Variants in ADGRB3 observed in about 807,000 individuals in gnomAD.
ADGRB3 encodes adhesion G protein-coupled receptor B3.
In ADGRB3, 37 loss-of-function variants were observed where a neutral mutation model predicts 193.4. The ratio of observed to expected loss-of-function variants is 0.19; its 90% confidence interval spans 0.15 to 0.25. The LOEUF is 0.25. Ranked by LOEUF, ADGRB3 falls within the 10% of genes least tolerant of loss-of-function variation. ADGRB3 has a pLI of 1.00. For missense variants in ADGRB3, 1,637 were observed against 1,852.9 expected, an observed-to-expected ratio of 0.88 and a Z score of 2.14; for synonymous variants, 690 against 644.2, an observed-to-expected ratio of 1.07 and a Z score of -1.08.
chr6:68,764,755 G>A (rs1424544520), intron 3 of ADGRB3, among the ~76,000 whole-genome samples: 3 of 151,886 alleles, frequency 2.0e-5, no homozygotes, highest in South Asian at 2.1e-4. Context: ...CATCAGGATT[G>A]TGATTAGATT....
At chr6:68,709,003 C>T (rs2127314863) in intron 3 of ADGRB3, among the ~76,000 whole-genome samples, 1 of 152,238 alleles carries the variant, frequency 6.6e-6, no homozygotes, top group Non-Finnish European at 1.5e-5. Context: ...ATTTCTCATG[C>T]AGTCTTTTAG....
At chr6:69,123,733 A>G (rs1424813011) in intron 17 of ADGRB3, among the ~76,000 whole-genome samples, 1 of 152,140 alleles carries the variant, frequency 6.6e-6, no homozygotes, top group Non-Finnish European at 1.5e-5. Context: ...TGGAGAAGAG[A>G]GTTATTCAAA....
intron 3 of ADGRB3, among the ~76,000 whole-genome samples, chr6:68,891,988 T>C (rs1467418259): frequency 2.0e-5 from 3 of 152,210 alleles, no homozygotes; most frequent in Non-Finnish European, 4.4e-5. Context: ...AAATGTTCTG[T>C]CCATACTGTC....
intron 17 of ADGRB3, among the ~76,000 whole-genome samples, chr6:69,113,277 A>G (rs1773426458): frequency 1.3e-5 from 2 of 151,902 alleles, no homozygotes; most frequent in Admixed American, 1.3e-4. Context: ...TATCACACAT[A>G]TTTATATGTA....
At chr6:68,744,130 G>A (rs1485119619) in intron 3 of ADGRB3, among the ~76,000 whole-genome samples, 1 of 152,018 alleles carries the variant, frequency 6.6e-6, no homozygotes, top group African/African-American at 2.4e-5. Flanking sequence ...AGCTAAGAAT[G>A]AAGGAAAAGA....
chr6:68,903,842 T>G (rs1433598341), intron 3 of ADGRB3, among the ~76,000 whole-genome samples: 2 of 151,106 alleles, frequency 1.3e-5, no homozygotes, highest in Admixed American at 6.6e-5. Flanking sequence ...CCCTGTCTAT[T>G]AAAAAAATAG....
At chr6:69,120,146 C>A (rs1773643159) in intron 17 of ADGRB3, among the ~76,000 whole-genome samples, 1 of 152,204 alleles carries the variant, frequency 6.6e-6, no homozygotes, top group Non-Finnish European at 1.5e-5. Flanking sequence ...GAAGAAATTA[C>A]AAATGGATCA....
chr6:68,637,613 A>AAAAAG (rs547761015), intron 2 of ADGRB3, 51 bp downstream of exon 2: 14 of 152,746 alleles, frequency 9.2e-5, no homozygotes, highest in African/African-American at 2.9e-4. Context: ...GTTAAAATTA[A>AAAAAG]AAAAGAAAAG....
intron 20 of ADGRB3, among the ~76,000 whole-genome samples, chr6:69,293,002 C>G (rs926995586): frequency 4.6e-5 from 7 of 152,018 alleles, no homozygotes; most frequent in Admixed American, 4.6e-4. Flanking sequence ...GCCCCTCCCT[C>G]CACTGTCACA....
chr6:69,040,313 C>CTTTCTTTCTT (rs1770996001), intron 13 of ADGRB3, among the ~76,000 whole-genome samples: 4 of 36,778 alleles, frequency 1.1e-4, no homozygotes, highest in East Asian at 2.0e-3. Flanking sequence ...CTGTCTCTTT[C>CTTTCTTTCTT]TTTCTTTCTT....
chr6:69,134,526 T>G (rs1370014340), intron 17 of ADGRB3, among the ~76,000 whole-genome samples: 8 of 152,088 alleles, frequency 5.3e-5, no homozygotes, highest in Non-Finnish European at 1.0e-4. Flanking sequence ...CAGAAATGAT[T>G]CTTACTACCT....
rs563232079 is a variant in ADGRB3 at position 68,763,541 on chromosome 6, T to C, written c.757+124109T>C. ...ATGAAATTTTAATATACCTATGTTT[T>C]GCTCATATTAAAGGCTGGTAGAATT... On this transcript the variant is annotated intron_variant, in intron 3 of 31. Coordinates refer to ENST00000370598, the MANE Select transcript of ADGRB3 (RefSeq NM_001704.3). Among the ~76,000 whole-genome samples the C allele has an allele frequency of 2.4e-3, 366 of 152,342 alleles. 1 individual carries two copies. The highest frequency in any genetic ancestry group is 0.013 in the South Asian group (64 of 4,830).
chr6:68,905,292 C>A (rs1766511229), intron 3 of ADGRB3, among the ~76,000 whole-genome samples: 1 of 152,136 alleles, frequency 6.6e-6, no homozygotes, highest in African/African-American at 2.4e-5. Flanking sequence ...AAGTTTGCTT[C>A]GTTCGTGATA....
At chr6:68,767,889 A>T (rs1766541134) in intron 3 of ADGRB3, among the ~76,000 whole-genome samples, 1 of 152,158 alleles carries the variant, frequency 6.6e-6, no homozygotes, top group Non-Finnish European at 1.5e-5. Flanking sequence ...ATCCCTATAC[A>T]CCAATGTTAG....
chr6:68,782,328 T>G (rs1766871374), intron 3 of ADGRB3, among the ~76,000 whole-genome samples: 1 of 151,940 alleles, frequency 6.6e-6, no homozygotes, highest in South Asian at 2.1e-4. Context: ...CTGCATAGTA[T>G]TCCATGGTGT....
chr6:69,208,545 A>G (rs947114327), intron 17 of ADGRB3, among the ~76,000 whole-genome samples: 1 of 152,162 alleles, frequency 6.6e-6, no homozygotes, highest in Non-Finnish European at 1.5e-5. Flanking sequence ...TCCTTCAGGG[A>G]TGTCCTAGAA....
rs550437716 is a variant in ADGRB3, at chr6:69,075,604, G to A, written c.2437-391G>A. On this transcript the variant is annotated intron_variant, in intron 16 of 31. Coordinates refer to ENST00000370598, the MANE Select transcript of ADGRB3 (RefSeq NM_001704.3). ...GTGATTATACATGTGCATAATATAG[G>A]ATATTTCACTGTGATTTCAATATTG... Among the ~76,000 whole-genome samples, 5 of 152,170 alleles carry A rather than the reference G, an allele frequency of 3.3e-5. No homozygotes were observed. The South Asian group carries it at 1.0e-3, about 32-fold the overall frequency.
At chr6:69,163,035 G>T (rs1165692107) in intron 17 of ADGRB3, among the ~76,000 whole-genome samples, 1 of 151,990 alleles carries the variant, frequency 6.6e-6, no homozygotes, top group Non-Finnish European at 1.5e-5. Flanking sequence ...TGTTCCCTTG[G>T]CCTGCTTATT....
intron 3 of ADGRB3, among the ~76,000 whole-genome samples, chr6:68,666,905 A>G (rs1768815320): frequency 1.3e-5 from 2 of 151,730 alleles, no homozygotes; most frequent in Admixed American, 6.6e-5. Flanking sequence ...ACTCTCTGAA[A>G]AAAAGTATCA....
Sources: gnomAD v4.1 joint callset for allele counts (sites outside exome capture counted in the v4.1 genomes callset) on GRCh38, gnomAD v4.1.1 for gene constraint, MANE v1.5 for transcripts, NCBI Gene and HGNC (gene_info 2026-07-23, HGNC 2026-07-21) for gene names.